Variants in SCHIP1 observed in about 807,000 individuals in gnomAD.
SCHIP1 encodes the protein schwannomin interacting protein 1, also known as schwannomin-interacting protein 1.
In SCHIP1, 8 loss-of-function variants were observed where a neutral mutation model predicts 29.7. That is an observed-to-expected ratio of 0.27 (90% CI 0.16 to 0.49). The LOEUF (loss-of-function observed/expected upper bound fraction) is 0.49. Among genes scored for constraint, SCHIP1 ranks in the 20% least tolerant of loss-of-function variants. The pLI is 0.99. For missense variants in SCHIP1, 193 were observed against 294.6 expected, an observed-to-expected ratio of 0.66 and a Z score of 2.52; for synonymous variants, 76 against 94.9, an observed-to-expected ratio of 0.80 and a Z score of 1.16.
intron 1 of SCHIP1, chr3:159,840,219 A>G (rs1744102138): frequency 6.5e-7 from 1 of 1,534,238 alleles, no homozygotes; most frequent in African/African-American, 1.4e-5. Context: ...TATCAGGTAA[A>G]ATTTAAAGCC....
the SCHIP1 span, among the ~76,000 whole-genome samples, chr3:159,454,477 C>T: frequency 6.6e-6 from 1 of 152,088 alleles, no homozygotes; most frequent in Non-Finnish European, 1.5e-5. Flanking sequence ...TACCAGGTCT[C>T]AGGTAGCAGA....
At chr3:159,402,612 T>C in the SCHIP1 span, among the ~76,000 whole-genome samples, 1 of 152,182 alleles carries the variant, frequency 6.6e-6, no homozygotes, top group Non-Finnish European at 1.5e-5. Flanking sequence ...TAAAAAATGA[T>C]GAGTTCATGT....
chr3:159,441,684 C>T, the SCHIP1 span, among the ~76,000 whole-genome samples: 1 of 152,038 alleles, frequency 6.6e-6, no homozygotes, highest in Non-Finnish European at 1.5e-5. Context: ...ATACAAAAAT[C>T]TGATGAGGAG....
At chr3:159,417,221 C>G in the SCHIP1 span, among the ~76,000 whole-genome samples, 1 of 152,132 alleles carries the variant, frequency 6.6e-6, no homozygotes, top group Non-Finnish European at 1.5e-5. Flanking sequence ...AAGAGAAGTT[C>G]CTCCCAAGCT....
the SCHIP1 span, among the ~76,000 whole-genome samples, chr3:159,417,053 C>T: frequency 2.0e-5 from 3 of 152,166 alleles, no homozygotes; most frequent in African/African-American, 7.2e-5. Flanking sequence ...TGAAAATGAA[C>T]AGAGGTTGGG....
chr3:159,347,375 A>G, the SCHIP1 span, among the ~76,000 whole-genome samples: 3 of 152,286 alleles, frequency 2.0e-5, no homozygotes, highest in East Asian at 5.8e-4. Flanking sequence ...AAAACAAACT[A>G]GTATTCCGTG....
the SCHIP1 span, among the ~76,000 whole-genome samples, chr3:159,416,194 C>G: frequency 6.6e-6 from 1 of 152,108 alleles, no homozygotes; most frequent in Non-Finnish European, 1.5e-5. Context: ...CCCTCTTTTC[C>G]AAAATCTTCA....
At chr3:159,638,028 T>C in the SCHIP1 span, among the ~76,000 whole-genome samples, 1 of 152,172 alleles carries the variant, frequency 6.6e-6, no homozygotes, top group African/African-American at 2.4e-5. Context: ...AAATGGAAAA[T>C]TGAAAAGCTA....
intron 2 of SCHIP1, among the ~76,000 whole-genome samples, chr3:159,883,743 G>A (rs1038041422): frequency 4.6e-5 from 7 of 152,146 alleles, no homozygotes; most frequent in African/African-American, 1.7e-4. Context: ...CACCCTATAA[G>A]AAGCTCTCTT....
the SCHIP1 span, among the ~76,000 whole-genome samples, chr3:159,447,399 T>G: frequency 2.2e-4 from 34 of 152,246 alleles, no homozygotes; most frequent in Non-Finnish European, 4.1e-4. Flanking sequence ...GAGTAGGAAA[T>G]AGAGTGATGG....
the SCHIP1 span, among the ~76,000 whole-genome samples, chr3:159,532,989 C>A: frequency 2.0e-5 from 3 of 152,092 alleles, no homozygotes; most frequent in Non-Finnish European, 4.4e-5. Context: ...AAGTGTTACA[C>A]CATATAAAAA....
intron 5 of SCHIP1, among the ~76,000 whole-genome samples, chr3:159,890,740 A>G (rs1717429544): frequency 6.6e-6 from 1 of 152,170 alleles, no homozygotes; most frequent in South Asian, 2.1e-4. Context: ...CTTTTCAGGA[A>G]TAGATGAAAT....
At chr3:159,640,298 G>A in the SCHIP1 span, among the ~76,000 whole-genome samples, 1 of 152,118 alleles carries the variant, frequency 6.6e-6, no homozygotes, top group Non-Finnish European at 1.5e-5. Context: ...GAGAAATTGA[G>A]GTGCTCTAAT....
At chr3:159,380,631 T>C in the SCHIP1 span, among the ~76,000 whole-genome samples, 1 of 152,132 alleles carries the variant, frequency 6.6e-6, no homozygotes, top group Non-Finnish European at 1.5e-5. Flanking sequence ...TATAATAATA[T>C]CTCTATTTGC....
intron 2 of SCHIP1, among the ~76,000 whole-genome samples, chr3:159,882,676 T>C (rs1399121117): frequency 6.6e-6 from 1 of 152,246 alleles, no homozygotes; most frequent in East Asian, 1.9e-4. Context: ...TAAAATCATA[T>C]TACCACTTGG....
chr3:159,285,195 C>T, the SCHIP1 span, among the ~76,000 whole-genome samples: 1 of 151,974 alleles, frequency 6.6e-6, no homozygotes, highest in African/African-American at 2.4e-5. Context: ...TCTACTGATA[C>T]TTGAAAAGAG....
the SCHIP1 span, chr3:159,274,636 T>G: frequency 4.9e-6 from 4 of 823,484 alleles, no homozygotes; most frequent in Admixed American, 6.2e-5. Flanking sequence ...TATTATTATA[T>G]GACACAACCA....
At chr3:159,782,978 C>T in the SCHIP1 span, among the ~76,000 whole-genome samples, 35 of 152,242 alleles carry the variant, frequency 2.3e-4, 1 homozygote, top group South Asian at 3.1e-3. Flanking sequence ...AGACTGTCAC[C>T]GAAGGACCAG....
At chr3:159,452,248 G>A in the SCHIP1 span, among the ~76,000 whole-genome samples, 2 of 151,544 alleles carry the variant, frequency 1.3e-5, no homozygotes, top group African/African-American at 4.8e-5. Context: ...CATCATCTAG[G>A]TTTTAAGCCC....
Sources: gnomAD v4.1 joint callset for allele counts (sites outside exome capture counted in the v4.1 genomes callset) on GRCh38, gnomAD v4.1.1 for gene constraint, MANE v1.5 for transcripts, NCBI Gene and HGNC (gene_info 2026-07-23, HGNC 2026-07-21) for gene names.